Variants in CDC25B observed in about 807,000 individuals in gnomAD.
CDC25B encodes cell division cycle 25B.
In CDC25B, 33 loss-of-function variants were observed where a neutral mutation model predicts 69.8. The observed-to-expected ratio is 0.47, with a 90% CI of 0.36 to 0.63. CDC25B has a LOEUF of 0.63. CDC25B is among the 30% of genes least tolerant of loss of function. The probability of loss-of-function intolerance (pLI) is 0.00; values close to 1 mark genes in which losing one functional copy is unlikely to be tolerated. For synonymous variants in CDC25B, 341 were observed against 314.6 expected (o/e 1.08, Z -0.89); for missense variants, 727 against 809.1 (o/e 0.90, Z 1.23).
chr20:3,802,299 T>C lies in CDC25B; in HGVS notation c.1117T>C (p.Ser373Pro). The C allele has an allele frequency of 6.2e-7, 1 of 1,610,688 alleles. No homozygotes were observed. ...TTTCCAGAAAGCCCGCGTCCTCCGC[T>C]CAAAATCACTGTGTCACGATGAGAT... Reference protein sequence around the residue: ...AEEPKARVLRSKSLCHDEIEN... With the variant: ...AEEPKARVLRPKSLCHDEIEN... Residue 373 changes from serine (S) to proline (P), a missense_variant, in exon 11 of 16, where the codon TCA (serine) becomes CCA (proline). Around this residue, in one of 2 missense-constraint regions of CDC25B, gnomAD observed 359 missense variants for 463.4 expected, o/e 0.77. Coordinates refer to ENST00000245960, the MANE Select transcript of CDC25B (RefSeq NM_021873.4).
intron 7 of CDC25B, 42 bp from the exon 8 acceptor site, chr20:3,801,212 T>C (rs2089271218): frequency 1.2e-6 from 2 of 1,606,036 alleles, no homozygotes; most frequent in South Asian, 2.2e-5. Context: ...GGGCGGGAAC[T>C]ATCTCCACCT....
In CDC25B at chr20:3,802,075, A is replaced by G; in HGVS notation, c.1073A>G (p.Glu358Gly). The G allele has an allele frequency of 6.4e-7, 1 of 1,556,268 alleles. No homozygotes were observed. Among genetic ancestry groups the G allele is most frequent in the South Asian group, 1.2e-5 (1 of 84,808 alleles). The change falls in exon 10 of 16, where the codon GAG becomes GGG. Residue 358 changes from glutamate to glycine, a missense_variant. By Grantham distance (98) the Glu-to-Gly change is moderately conservative. Transcript: ENST00000245960. ...CGGAGGCGGAGCGTGACCCCTCCTG[A>G]GGAGCAGCAGGAGGCTGAGGAACCT... ...NKRRRSVTPPEEQQEAEEPKA... is the reference protein window; with the variant it reads ...NKRRRSVTPPGEQQEAEEPKA...
exon 1 of CDC25B, chr20:3,787,066 CTTT>C: frequency 8.5e-6 from 4 of 470,908 alleles, no homozygotes; most frequent in Non-Finnish European, 3.8e-6. Context: ...AAATAACGCA[CTTT>C]TTTTTTTGCG....
At position 3,796,497 on chromosome 20, in the gene CDC25B, G is replaced by C. The variant is rs916120306; in HGVS notation, c.-35G>C. On this transcript the variant is annotated 5_prime_UTR_variant, in exon 1 of 16. Transcript: ENST00000245960. ...GGCGTTTGTTGGCTGCCCTGCGCCCGGCCCTCCAGCCAGCCTTCTGCCGGC... is the reference window on the plus strand; with the variant it reads ...GGCGTTTGTTGGCTGCCCTGCGCCCCGCCCTCCAGCCAGCCTTCTGCCGGC... 4.1e-6 allele frequency: 6 copies of C among 1,468,018 alleles called. No individual in the cohort carries two copies. Among genetic ancestry groups the C allele is most frequent in the African/African-American group, 1.5e-5 (1 of 65,754 alleles). The allele number at this position is 1,468,018 out of a possible 1,614,324, so 90.9% of individuals were successfully genotyped here.
chr20:3,789,574 T>C (rs2088878808), intron 1 of CDC25B, among the ~76,000 whole-genome samples: 1 of 152,158 alleles, frequency 6.6e-6, no homozygotes, highest in African/African-American at 2.4e-5. Context: ...TTTCACCATG[T>C]TGGCCAGGCT....
chr20:3,793,947 C>T (rs1207965936), upstream of CDC25B, among the ~76,000 whole-genome samples: 1 of 149,332 alleles, frequency 6.7e-6, no homozygotes, highest in Non-Finnish European at 1.5e-5. Flanking sequence ...TTTATGGCTG[C>T]ATAGTATTCC....
In CDC25B at chr20:3,805,121, G is replaced by C; in HGVS notation, c.*160G>C. The C allele has an allele frequency of 1.4e-6, 1 of 703,914 alleles. No individual in the cohort carries two copies. The highest frequency in any genetic ancestry group is 2.3e-6 in the Non-Finnish European group (1 of 432,588). The allele number at this position is 703,914 out of a possible 1,614,324, so 43.6% of individuals were successfully genotyped here. ...TGTCTGCCCCAGCCCAGATTCCCCT[G>C]TGTCATCCCATCATTTTCCATATCC... On this transcript the variant is annotated 3_prime_UTR_variant, in exon 16 of 16. Coordinates refer to ENST00000245960, the MANE Select transcript of CDC25B (RefSeq NM_021873.4).
Position 3,800,516 on chromosome 20 carries a change from C to T in CDC25B, c.459+18C>T. 6.2e-7 allele frequency: 1 copy of T among 1,613,770 alleles called. No homozygotes were observed. The highest frequency in any genetic ancestry group is 1.3e-5 in the African/African-American group (1 of 75,038). On this transcript the variant is annotated intron_variant, in intron 5 of 15. Transcript: ENST00000245960. ...CTATGCCGGTGAGTGTCTTCGAGGC[C>T]TGACTGAGGCTTAGGCATGCTAGCC...
chr20:3,797,767 C>T lies in CDC25B; in HGVS notation c.328+18C>T, dbSNP rs541123439. ...TGATGCAGGTGAGGCCCAGGGGAGCCTGGGGAGATCTGCCTGTGTCAGGAG... is the reference window on the plus strand; with the variant it reads ...TGATGCAGGTGAGGCCCAGGGGAGCTTGGGGAGATCTGCCTGTGTCAGGAG... On this transcript the variant is annotated intron_variant, in intron 2 of 15. Coordinates refer to ENST00000245960, the MANE Select transcript of CDC25B (RefSeq NM_021873.4). 7 of 1,612,948 alleles carry T rather than the reference C, an allele frequency of 4.3e-6. No individual in the cohort carries two copies. In the East Asian group the frequency reaches 1.3e-4, roughly 31 times the overall value.
chr20:3,799,537 C>T (rs1387959875), intron 3 of CDC25B, among the ~76,000 whole-genome samples: 2 of 150,858 alleles, frequency 1.3e-5, no homozygotes, highest in Non-Finnish European at 2.9e-5. Flanking sequence ...CGCGCGCGCG[C>T]GTAGATGCAC....
chr20:3,797,822 T>C lies in CDC25B; in HGVS notation c.328+73T>C. ...TGTGGGGGCTGCCTGGGCCTCCCAA[T>C]TTCCCTGCCGATCAAACTAACATCC... On this transcript the variant is annotated intron_variant, in intron 2 of 15. Coordinates refer to ENST00000245960, the MANE Select transcript of CDC25B (RefSeq NM_021873.4). 3.2e-6 allele frequency: 5 copies of C among 1,570,096 alleles called. No homozygotes were observed. In the South Asian group the frequency reaches 5.6e-5, roughly 17 times the overall value.
exon 1 of CDC25B, chr20:3,787,029 T>G (rs2088836533): frequency 1.8e-6 from 1 of 546,120 alleles, no homozygotes. Context: ...GGTTTTTGTT[T>G]GTTTTTTTTT....
chr20:3,804,226 C>A (rs2089394455), intron 14 of CDC25B, among the ~76,000 whole-genome samples: 2 of 152,234 alleles, frequency 1.3e-5, no homozygotes, highest in South Asian at 4.1e-4. Flanking sequence ...CTCACCAGGT[C>A]TTGTCCAGGA....
rs769335539 is a variant in CDC25B at position 3,797,622 on chromosome 20, C to T, written c.201C>T (p.Ser67=). ...QTMHDLAGLG[S]ETPKSQVGTL... ...TCCCGGGTCCCTGTTCCCTTCCCAG[C>T]GAAACCCCAAAGAGTCAGGTAGGGA... The change falls in exon 2 of 16, where the codon AGC becomes AGT. Residue 67 remains serine (S), a splice_region_variant and synonymous_variant. Transcript: ENST00000245960. 1.5e-5 allele frequency: 24 copies of T among 1,613,932 alleles called. 1 individual carries two copies. Among genetic ancestry groups the T allele is most frequent in the Middle Eastern group, 1.6e-4 (1 of 6,084 alleles).
rs142635163 is a variant in CDC25B, at chr20:3,805,405, G to A, written c.*444G>A. 8 of 237,044 alleles carry A rather than the reference G, an allele frequency of 3.4e-5. No individual in the cohort carries two copies. The highest frequency in any genetic ancestry group is 8.8e-5 in the East Asian group (1 of 11,334). 14.7% of individuals were successfully genotyped at this position (237,044 alleles called of 1,614,324 possible). On this transcript the variant is annotated 3_prime_UTR_variant, in exon 16 of 16. Coordinates refer to ENST00000245960, the MANE Select transcript of CDC25B (RefSeq NM_021873.4). Reference sequence around the variant, plus strand: ...CAGCTCTCTGCCCTGTGTACTTCCCGGGCCAGGGCTGCCCCTAATCTCTGT... The same window carrying A: ...CAGCTCTCTGCCCTGTGTACTTCCCAGGCCAGGGCTGCCCCTAATCTCTGT...
intron 6 of CDC25B, 44 bp downstream of exon 6, chr20:3,800,909 A>C (rs776157040): frequency 6.2e-7 from 1 of 1,612,100 alleles, no homozygotes; most frequent in African/African-American, 1.3e-5. Flanking sequence ...CGGGAAGAGG[A>C]GGGGGCATGC....
intron 1 of CDC25B, among the ~76,000 whole-genome samples, chr20:3,791,085 A>C (rs1474622458): frequency 2.0e-5 from 3 of 152,196 alleles, no homozygotes; most frequent in Non-Finnish European, 4.4e-5. Flanking sequence ...GCCCCTACCA[A>C]GCAGGCATCC....
chr20:3,792,536 A>C (rs1463390710), upstream of CDC25B, among the ~76,000 whole-genome samples: 4 of 151,378 alleles, frequency 2.6e-5, no homozygotes, highest in Admixed American at 6.6e-5. Context: ...GGCATGATCT[A>C]GGCTCACTGC....
upstream of CDC25B, among the ~76,000 whole-genome samples, chr20:3,791,529 A>G (rs1188817618): frequency 6.6e-6 from 1 of 152,116 alleles, no homozygotes; most frequent in African/African-American, 2.4e-5. Flanking sequence ...CAAAAAATAC[A>G]AAAATGTGCC....
Sources: gnomAD v4.1 joint callset for allele counts (sites outside exome capture counted in the v4.1 genomes callset) on GRCh38, gnomAD v4.1.1 for gene constraint, gnomAD v4.1.1 regional missense constraint, MANE v1.5 for transcripts, NCBI Gene and HGNC (gene_info 2026-07-23, HGNC 2026-07-21) for gene names.